ESRRG: variants seen among roughly 807,000 people sequenced by gnomAD.
ESRRG encodes the protein estrogen related receptor gamma.
Under a neutral mutation model 44.0 loss-of-function variants are expected in ESRRG, and 13 were observed. The observed-to-expected ratio is 0.30, with a 90% CI of 0.19 to 0.47. The LOEUF (loss-of-function observed/expected upper bound fraction) is 0.47, where lower values mean the gene tolerates loss of function less well. Ranked by LOEUF, ESRRG falls within the 20% of genes least tolerant of loss-of-function variation. The pLI is 1.00. For missense variants in ESRRG, 395 were observed against 580.6 expected (o/e 0.68, Z 3.29); for synonymous variants, 215 against 214.6 (o/e 1.00, Z -0.02).
chr1:216,757,252 A>C lies in ESRRG; in HGVS notation c.-13-79761T>G, dbSNP rs114266832. 4.0e-3 allele frequency among the ~76,000 whole-genome samples: 604 copies of C among 152,064 alleles called. 4 individuals carry two copies. The highest frequency in any genetic ancestry group is 0.014 in the African/African-American group (563 of 41,502). On this transcript the variant is annotated intron_variant, in intron 2 of 7. Coordinates refer to the ESRRG transcript ENST00000359162. ...ATCTACTCTAGATTAGTCCTGCTTG[A>C]GTGACATCCTAAATGGCTCATTCCC...
At chr1:216,649,255 C>G (rs189635170) in intron 3 of ESRRG, among the ~76,000 whole-genome samples, 6 of 152,172 alleles carry the variant, frequency 3.9e-5, no homozygotes, top group Admixed American at 3.9e-4. Flanking sequence ...ATGGGAAGAC[C>G]TTAGTACATA....
At chr1:217,120,509 A>T (rs2102495637) in intron 1 of ESRRG, among the ~76,000 whole-genome samples, 1 of 152,198 alleles carries the variant, frequency 6.6e-6, no homozygotes, top group South Asian at 2.1e-4. Flanking sequence ...TCTCATTTAA[A>T]ATGGCATCTC....
intron 3 of ESRRG, among the ~76,000 whole-genome samples, chr1:216,584,024 C>G (rs1176672113): frequency 6.6e-6 from 1 of 152,116 alleles, no homozygotes; most frequent in Non-Finnish European, 1.5e-5. Context: ...CACAGCCAAA[C>G]CATATCACCA....
chr1:216,551,000 T>C (rs1035232883), intron 5 of ESRRG, among the ~76,000 whole-genome samples: 4 of 152,162 alleles, frequency 2.6e-5, no homozygotes, highest in African/African-American at 4.8e-5. Flanking sequence ...GCTGAAATAC[T>C]AGGCCAGGAG....
intron 3 of ESRRG, among the ~76,000 whole-genome samples, chr1:216,579,185 T>G (rs983075255): frequency 5.3e-5 from 8 of 152,158 alleles, no homozygotes; most frequent in Non-Finnish European, 8.8e-5. Flanking sequence ...TTTGCTTTGA[T>G]GCACACAATA....
At chr1:217,068,553 A>G (rs930011645) in intron 1 of ESRRG, among the ~76,000 whole-genome samples, 5 of 152,132 alleles carry the variant, frequency 3.3e-5, no homozygotes, top group African/African-American at 1.2e-4. Flanking sequence ...CACTCTGAAC[A>G]AGCCACATAA....
intron 2 of ESRRG, among the ~76,000 whole-genome samples, chr1:216,903,635 G>C (rs896918926): frequency 1.3e-5 from 2 of 151,836 alleles, no homozygotes; most frequent in Non-Finnish European, 2.9e-5. Flanking sequence ...TCAGGGGATA[G>C]ACTGAATCTC....
intron 1 of ESRRG, among the ~76,000 whole-genome samples, chr1:217,104,128 T>A (rs2092557572): frequency 6.6e-6 from 1 of 152,186 alleles, no homozygotes; most frequent in Non-Finnish European, 1.5e-5. Context: ...CTTGTTAAGC[T>A]TCACAGATTC....
chr1:216,873,922 G>A (rs1465582498), intron 2 of ESRRG, among the ~76,000 whole-genome samples: 8 of 99,234 alleles, frequency 8.1e-5, no homozygotes, highest in African/African-American at 3.0e-4. Context: ...GGAAGGGAAG[G>A]GAAGGGAAGG....
chr1:216,536,568 G>C (rs2051030362), intron 5 of ESRRG, among the ~76,000 whole-genome samples: 1 of 151,978 alleles, frequency 6.6e-6, no homozygotes, highest in South Asian at 2.1e-4. Flanking sequence ...TTCTAGATCT[G>C]TATTAATCAG....
intron 5 of ESRRG, among the ~76,000 whole-genome samples, chr1:216,549,771 T>C (rs2055702745): frequency 6.6e-6 from 1 of 152,144 alleles, no homozygotes. Context: ...TTGTTCACAT[T>C]TTCCCCCTGA....
rs185561870 is a variant in ESRRG at position 216,831,485 on chromosome 1, G to A, written c.-14+108097C>T. ...TTTTCAGCCTCTCATTCAACGGGGG[G>A]AGGAAAGAGGAGGAGAAAAAGAGAG... On this transcript the variant is annotated intron_variant, in intron 2 of 7. Transcript: ENST00000359162. Among the ~76,000 whole-genome samples the A allele has an allele frequency of 9.8e-3, 1,478 of 150,320 alleles. 17 individuals carry two copies. Among genetic ancestry groups the A allele is most frequent in the Non-Finnish European group, 0.014 (953 of 67,636 alleles).
chr1:216,951,890 C>CA (rs143325362), intron 1 of ESRRG, among the ~76,000 whole-genome samples: 1 of 149,364 alleles, frequency 6.7e-6, no homozygotes, highest in Non-Finnish European at 1.5e-5. Flanking sequence ...CATATGTTTG[C>CA]ATATATATAT....
At chr1:216,736,434 CG>C (rs1015404732) in intron 2 of ESRRG, among the ~76,000 whole-genome samples, 11 of 152,030 alleles carry the variant, frequency 7.2e-5, no homozygotes, top group Admixed American at 1.3e-4. Context: ...CCACCCGCCT[CG>C]GCCTCCCAAA....
Position 216,568,076 on chromosome 1 carries a change from A to G in ESRRG, c.612T>C (p.Arg204=). The change falls in exon 4 of 7, where the codon CGT becomes CGC. Residue 204 remains arginine (R), a synonymous_variant. Coordinates refer to ENST00000408911, the MANE Select transcript of ESRRG (RefSeq NM_001438.4). ...TGCGCTTGTACTTCTGCCGACCTCC[A>G]CGTACTCTGTCAAGACGCACCCCTG... ...LKEGVRLDRV[R]GGRQKYKRRI... 3 of 1,613,620 alleles carry G rather than the reference A, an allele frequency of 1.9e-6. No homozygotes were observed. The highest frequency in any genetic ancestry group is 2.5e-6 in the Non-Finnish European group (3 of 1,179,664).
chr1:216,932,162 C>T (rs2063447347), intron 2 of ESRRG, among the ~76,000 whole-genome samples: 1 of 152,108 alleles, frequency 6.6e-6, no homozygotes, highest in Admixed American at 6.5e-5. Flanking sequence ...TGAGATTGTA[C>T]CACTGCATTC....
At chr1:216,798,910 C>A (rs1396944714) in intron 2 of ESRRG, among the ~76,000 whole-genome samples, 1 of 151,986 alleles carries the variant, frequency 6.6e-6, no homozygotes, top group Non-Finnish European at 1.5e-5. Context: ...ATTAATAATA[C>A]CAGTTAAGTG....
chr1:216,545,731 T>C (rs1218520042), intron 5 of ESRRG, among the ~76,000 whole-genome samples: 1 of 152,080 alleles, frequency 6.6e-6, no homozygotes, highest in East Asian at 1.9e-4. Flanking sequence ...GAATATGTAA[T>C]TAACAATGCA....
At chr1:216,669,792 A>G (rs1007517180) in intron 2 of ESRRG, among the ~76,000 whole-genome samples, 1 of 152,122 alleles carries the variant, frequency 6.6e-6, no homozygotes, top group African/African-American at 2.4e-5. Flanking sequence ...AAGCTGAGGC[A>G]GGAGAATCAC....
Sources: gnomAD v4.1 joint callset for allele counts (sites outside exome capture counted in the v4.1 genomes callset) on GRCh38, gnomAD v4.1.1 for gene constraint, MANE v1.5 for transcripts, NCBI Gene and HGNC (gene_info 2026-07-23, HGNC 2026-07-21) for gene names.